Variants in SGCA observed in about 807,000 individuals in gnomAD.
SGCA encodes the protein alpha-sarcoglycan.
A neutral mutation model predicts 38.1 loss-of-function variants in SGCA; 34 were observed. That is an observed-to-expected ratio of 0.89 (90% CI 0.68 to 1.19). SGCA has a LOEUF of 1.19. Among genes scored for constraint, SGCA ranks in the 50% most tolerant of loss-of-function variants. SGCA has a pLI of 0.00. For missense variants in SGCA, 476 were observed against 524.9 expected (o/e 0.91, Z 0.91); for synonymous variants, 209 against 214.6 (o/e 0.97, Z 0.23).
intron 8 of SGCA, among the ~76,000 whole-genome samples, chr17:50,174,247 G>A (rs749534315): frequency 8.5e-5 from 13 of 152,174 alleles, no homozygotes; most frequent in African/African-American, 1.2e-4. Flanking sequence ...CTTGAGCCCA[G>A]GAGGTAGAGG....
intron 8 of SGCA, chr17:50,172,327 C>T (rs770703831): frequency 4.4e-6 from 2 of 451,512 alleles, no homozygotes; most frequent in South Asian, 3.1e-5. Flanking sequence ...CCATTGTTTC[C>T]TCCGGGGAGG....
In SGCA at chr17:50,168,432, G is replaced by C; in HGVS notation, c.444G>C (p.Val148=). The C allele has an allele frequency of 6.3e-7, 1 of 1,591,210 alleles. No individual in the cohort carries two copies. Among genetic ancestry groups the C allele is most frequent in the African/African-American group, 1.3e-5 (1 of 74,766 alleles). The part of the protein sequence containing the change: ...FLVRSHDAEE[V]LPSTPASRFL... ...TGCGCAGCCACGATGCGGAGGAGGT[G>C]CTGCCCTCAACACCTGCCAGCCGCT... is the stretch of plus-strand genomic sequence containing the variant. Residue 148 remains valine (V), a synonymous_variant, in exon 5 of 10, where the codon GTG becomes GTC. Coordinates refer to ENST00000262018, the MANE Select transcript of SGCA (RefSeq NM_000023.4).
chr17:50,169,412 G>GAGACACACAC, intron 6 of SGCA, 158 bp downstream of exon 6: 1 of 329,282 alleles, frequency 3.0e-6, no homozygotes, highest in Non-Finnish European at 5.1e-6. Flanking sequence ...TTAGTCTGAG[G>GAGACACACAC]ATACACACAC....
chr17:50,170,442 A>G (rs1336269896), intron 7 of SGCA, 91 bp downstream of exon 7: 7 of 1,420,022 alleles, frequency 4.9e-6, no homozygotes, highest in Non-Finnish European at 6.9e-6. Flanking sequence ...GGACCCAGAC[A>G]CCATGGGAAT....
chr17:50,169,470 A>G (rs986182180), intron 6 of SGCA: 22 of 558,966 alleles, frequency 3.9e-5, no homozygotes, highest in Admixed American at 1.9e-4. Flanking sequence ...CCTTTCCCCC[A>G]CAAGAGGGCA....
At position 50,166,127 on chromosome 17, in the gene SGCA, T is replaced by C. The variant is rs1357014896; in HGVS notation, c.37+50T>C. The stretch of plus-strand genomic sequence containing the variant: ...GGAGGCCCAGGATGAGGGGGCAGGA[T>C]TTAGGGGTGGTAAGACGGAGGTGTG... On this transcript the variant is annotated intron_variant, in intron 1 of 9. Coordinates refer to ENST00000262018, the MANE Select transcript of SGCA (RefSeq NM_000023.4). The C allele has an allele frequency of 5.3e-6, 8 of 1,511,702 alleles. No individual in the cohort carries two copies. In the Admixed American group the frequency reaches 6.7e-5, roughly 13 times the overall value. The allele number at this position is 1,511,702 out of a possible 1,614,324, so 93.6% of individuals were successfully genotyped here. A position where few individuals can be genotyped will look rare whatever the true frequency, so the allele number is the denominator to read the frequency against.
intron 8 of SGCA, chr17:50,172,120 T>G (rs1385551092): frequency 2.2e-6 from 1 of 456,268 alleles, no homozygotes; most frequent in African/African-American, 2.0e-5. Context: ...GGCTGAGGTG[T>G]GTCCCGGTTC....
intron 6 of SGCA, 114 bp from the exon 7 acceptor site, chr17:50,170,029 C>T (rs1402972037): frequency 1.7e-5 from 15 of 863,288 alleles, no homozygotes; most frequent in South Asian, 1.4e-5. Context: ...TGCACTGTCC[C>T]GCCTCTGCTG....
Position 50,169,341 on chromosome 17 carries a change from G to A in SGCA, c.747+87G>A, listed in dbSNP as rs112838180. On this transcript the variant is annotated intron_variant, in intron 6 of 9. Coordinates refer to ENST00000262018, the MANE Select transcript of SGCA (RefSeq NM_000023.4). ...CCCTCCCATGCTGCTTCCTATCTCCGTCTCTCTGATTGCTCCAGTCACCAT... is the reference window on the plus strand; with the variant it reads ...CCCTCCCATGCTGCTTCCTATCTCCATCTCTCTGATTGCTCCAGTCACCAT... 2.2e-3 allele frequency: 2,615 copies of A among 1,198,612 alleles called. 43 individuals carry two copies. The African/African-American group carries it at 0.034, about 16-fold the overall frequency. 74.2% of individuals were successfully genotyped at this position (1,198,612 alleles called of 1,614,324 possible).
At chr17:50,169,441 A>ACG (rs1905196556) in intron 6 of SGCA, 187 bp downstream of exon 6, 1 of 589,844 alleles carries the variant, frequency 1.7e-6, no homozygotes, top group South Asian at 2.0e-5. Context: ...ACACACACAC[A>ACG]CACACCCCTG....
chr17:50,167,240 G>GCAA lies in SGCA; in HGVS notation c.38-128_38-127insCAA, dbSNP rs1904966237. ...CCCATCCCCACCCCAATCCCTTCCT[G>GCAA]GGAGGCAGCAAAGGAAGCGCTTCTC... is the stretch of plus-strand genomic sequence containing the variant. On this transcript the variant is annotated intron_variant, in intron 1 of 9. Coordinates refer to ENST00000262018, the MANE Select transcript of SGCA (RefSeq NM_000023.4). This position sits in a 1 kb window ranked among gnomAD's most constrained non-coding sequence, Gnocchi z 4.5. The GCAA allele has an allele frequency of 1.5e-6, 2 of 1,346,762 alleles. No homozygotes were observed. The highest frequency in any genetic ancestry group is 2.9e-5 in the African/African-American group (2 of 69,760). 83.4% of individuals were successfully genotyped at this position (1,346,762 alleles called of 1,614,324 possible).
At position 50,167,499 on chromosome 17, in the gene SGCA, G is replaced by A; in HGVS notation, c.157+12G>A. 6.2e-7 allele frequency: 1 copy of A among 1,614,166 alleles called. No individual in the cohort carries two copies. Among genetic ancestry groups the A allele is most frequent in the Non-Finnish European group, 8.5e-7 (1 of 1,180,008 alleles). ...TCCTGAGCATGTCGGTGAGCGGCCT[G>A]ACAGGCACCCAGGCGGGCGGGCTGG... On this transcript the variant is annotated intron_variant, in intron 2 of 9. Transcript: ENST00000262018. This position sits in a 1 kb window ranked among gnomAD's most constrained non-coding sequence, Gnocchi z 4.5.
At chr17:50,169,386 A>G (rs547985289) in intron 6 of SGCA, 132 bp downstream of exon 6, 25 of 678,572 alleles carry the variant, frequency 3.7e-5, no homozygotes, top group Non-Finnish European at 5.7e-5. Flanking sequence ...TGATGCTCTC[A>G]GTATTGCCCA....
chr17:50,175,678 G>A (rs1267071561), intron 9 of SGCA, 34 bp from the exon 10 acceptor site: 2 of 673,136 alleles, frequency 3.0e-6, no homozygotes, highest in South Asian at 3.0e-5. Flanking sequence ...ACCAGCATCT[G>A]GCCCTCTCAG....
Position 50,167,827 on chromosome 17 carries a change from C to T in SGCA, c.312+91C>T. On this transcript the variant is annotated intron_variant, in intron 3 of 9. Coordinates refer to ENST00000262018, the MANE Select transcript of SGCA (RefSeq NM_000023.4). The surrounding 1 kb of genome is among the most constrained non-coding windows in gnomAD (Gnocchi z 4.5). ...TGAATTGGGATTGGGTGCTCATTCA[C>T]AGTCATTTACATATAATTTACATAC... is the stretch of plus-strand genomic sequence containing the variant. The T allele has an allele frequency of 6.5e-7, 1 of 1,537,718 alleles. No individual in the cohort carries two copies.
chr17:50,170,404 G>A, intron 7 of SGCA, 53 bp downstream of exon 7: 3 of 1,539,746 alleles, frequency 1.9e-6, no homozygotes, highest in Non-Finnish European at 2.7e-6. Context: ...CACACCCATG[G>A]GACTCACAGT....
intron 6 of SGCA, chr17:50,169,497 G>C: frequency 1.8e-6 from 1 of 543,440 alleles, no homozygotes. Flanking sequence ...TCCGCAATCC[G>C]CATGTGGGGT....
chr17:50,174,819 T>C (rs1905792200), intron 8 of SGCA, among the ~76,000 whole-genome samples: 1 of 152,034 alleles, frequency 6.6e-6, no homozygotes, highest in Non-Finnish European at 1.5e-5. Flanking sequence ...TTTTGTTTTT[T>C]TTCTTCTTTT....
rs1905903179 is a variant in SGCA at position 50,175,839 on chromosome 17, T to C, written c.*140T>C. 1 of 474,488 alleles carries C rather than the reference T, an allele frequency of 2.1e-6. No individual in the cohort carries two copies. Among genetic ancestry groups the C allele is most frequent in the South Asian group, 1.5e-5 (1 of 64,664 alleles). 29.4% of individuals were successfully genotyped at this position (474,488 alleles called of 1,614,324 possible). On this transcript the variant is annotated 3_prime_UTR_variant, in exon 10 of 10. Transcript: ENST00000262018. ...GCTCTAAACAAGCAGGGAGAGGGGG[T>C]GGGGTGGGGTGAGAGTGTGTGGAGT...
Sources: allele counts gnomAD v4.1 joint callset (sites outside exome capture counted in the v4.1 genomes callset), GRCh38; gene constraint gnomAD v4.1.1; non-coding constraint Gnocchi (gnomAD v3.1); transcripts MANE v1.5; gene names NCBI Gene and HGNC (gene_info 2026-07-23, HGNC 2026-07-21).